Variants in ST14 observed in about 807,000 individuals in gnomAD.
ST14 encodes the protein ST14 transmembrane serine protease matriptase.
In ST14, 40 loss-of-function variants were observed where a neutral mutation model predicts 96.5. The observed-to-expected ratio is 0.41, with a 90% CI of 0.32 to 0.54. The LOEUF is 0.54. Ranked by LOEUF, ST14 falls within the 20% of genes least tolerant of loss-of-function variation. The pLI, the probability that ST14 is intolerant of heterozygous loss-of-function variation, is 0.17. For synonymous variants in ST14, 506 were observed against 492.1 expected, an observed-to-expected ratio of 1.03 and a Z score of -0.37; for missense variants, 1,066 against 1,188.9, an observed-to-expected ratio of 0.90 and a Z score of 1.52.
chr11:130,174,254 G>A (rs182475887), intron 1 of ST14, among the ~76,000 whole-genome samples: 2 of 152,284 alleles, frequency 1.3e-5, no homozygotes, highest in South Asian at 2.1e-4. Flanking sequence ...GGGAGGCGGT[G>A]GCCACAGCAA....
intron 9 of ST14, 97 bp downstream of exon 9, chr11:130,194,834 G>A (rs1473251680): frequency 1.6e-6 from 2 of 1,270,048 alleles, no homozygotes; most frequent in Non-Finnish European, 1.1e-6. Context: ...GTGTGTGCAT[G>A]TGTTTGCATA....
At chr11:130,202,565 C>T (rs145261068) in intron 16 of ST14, among the ~76,000 whole-genome samples, 1 of 152,318 alleles carries the variant, frequency 6.6e-6, no homozygotes, top group African/African-American at 2.4e-5. Flanking sequence ...TCAGCTGGAC[C>T]AGGTGGCTCA....
chr11:130,201,290 A>G (rs57962764), intron 16 of ST14, among the ~76,000 whole-genome samples: 5,913 of 152,344 alleles, frequency 0.039, 337 homozygotes, highest in African/African-American at 0.12. Flanking sequence ...AGAGGCAGGC[A>G]CAGGGGCATG....
intron 1 of ST14, among the ~76,000 whole-genome samples, chr11:130,173,900 C>T (rs1216338633): frequency 5.9e-5 from 9 of 152,236 alleles, no homozygotes; most frequent in African/African-American, 2.2e-4. Flanking sequence ...CCCACAAGAC[C>T]AGAGAGTGCT....
At chr11:130,169,862 G>A (rs1043467047) in intron 1 of ST14, among the ~76,000 whole-genome samples, 2 of 152,196 alleles carry the variant, frequency 1.3e-5, no homozygotes, top group African/African-American at 2.4e-5. Context: ...ACTAGGTGCT[G>A]GCTGCACCTC....
chr11:130,194,753 C>A lies in ST14; in HGVS notation c.1113+16C>A. On this transcript the variant is annotated intron_variant, in intron 9 of 18. Coordinates refer to ENST00000278742, the MANE Select transcript of ST14 (RefSeq NM_021978.4). ...GAACATTGAGGTAGGAGCTATGGGGCGTGTGAACGTGTGTGTGTGTGAGCA... is the reference window on the plus strand; with the variant it reads ...GAACATTGAGGTAGGAGCTATGGGGAGTGTGAACGTGTGTGTGTGTGAGCA... 1 of 1,611,906 alleles carries A rather than the reference C, an allele frequency of 6.2e-7. No individual in the cohort carries two copies. The highest frequency in any genetic ancestry group is 8.5e-7 in the Non-Finnish European group (1 of 1,178,420).
intron 1 of ST14, among the ~76,000 whole-genome samples, chr11:130,183,708 G>A (rs1953214251): frequency 6.6e-6 from 1 of 152,150 alleles, no homozygotes; most frequent in Admixed American, 6.5e-5. Flanking sequence ...TACAGGTTTT[G>A]TGCATTTTTT....
At position 130,194,652 on chromosome 11, in the gene ST14, G is replaced by A. The variant is rs775624092; in HGVS notation, c.1028G>A (p.Arg343His). 1.4e-5 allele frequency: 22 copies of A among 1,613,996 alleles called. No homozygotes were observed. The highest frequency in any genetic ancestry group is 1.1e-4 in the South Asian group (10 of 91,088). ...CCTTCCCTCTCAGGCTGTGGAGGCCGCTTACGTAAAGCCCAGGGGACATTC... is the reference window on the plus strand; with the variant it reads ...CCTTCCCTCTCAGGCTGTGGAGGCCACTTACGTAAAGCCCAGGGGACATTC... Reference protein sequence around the residue: ...QLPRMSSCGGRLRKAQGTFNS... With the variant: ...QLPRMSSCGGHLRKAQGTFNS... The change falls in exon 9 of 19, where the codon CGC becomes CAC. Residue 343 changes from arginine to histidine, a missense_variant. Transcript: ENST00000278742.
In ST14 at chr11:130,177,669, G is replaced by A. The variant is rs183005727; in HGVS notation, c.82-10445G>A. Among the ~76,000 whole-genome samples the A allele has an allele frequency of 5.6e-4, 86 of 152,342 alleles. 1 individual carries two copies. The East Asian group carries it at 0.016, about 28-fold the overall frequency. ...CTAGCTTCCTAGCCTGGCATCAGCCGAGACCTTGTCAGCTCTTGGAGCTAC... is the reference window on the plus strand; with the variant it reads ...CTAGCTTCCTAGCCTGGCATCAGCCAAGACCTTGTCAGCTCTTGGAGCTAC... On this transcript the variant is annotated intron_variant, in intron 1 of 18. Transcript: ENST00000278742.
At position 130,183,824 on chromosome 11, in the gene ST14, C is replaced by T. The variant is rs79775947; in HGVS notation, c.82-4290C>T. On this transcript the variant is annotated intron_variant, in intron 1 of 18. Coordinates refer to ENST00000278742, the MANE Select transcript of ST14 (RefSeq NM_021978.4). ...TGCTGATATGCCAGTACAAAGACAGCTACGGGAGTGTTTCTAGCAGCTCTG... is the reference window on the plus strand; with the variant it reads ...TGCTGATATGCCAGTACAAAGACAGTTACGGGAGTGTTTCTAGCAGCTCTG... Among the ~76,000 whole-genome samples the T allele has an allele frequency of 5.5e-3, 844 of 152,264 alleles. 3 individuals are homozygous for T. Among genetic ancestry groups the T allele is most frequent in the Middle Eastern group, 0.041 (12 of 294 alleles).
At chr11:130,175,519 A>G (rs1953128616) in intron 1 of ST14, among the ~76,000 whole-genome samples, 1 of 151,812 alleles carries the variant, frequency 6.6e-6, no homozygotes, top group Admixed American at 6.6e-5. Context: ...AGCTGGGATT[A>G]CAGGCATGTG....
rs561649449 is a variant in ST14 at position 130,199,623 on chromosome 11, A to G, written c.1808-328A>G. ...CCCCTCCCCTGTGATGTCCCAAATG[A>G]TGTCAAGTCAGGCAGATGACACCCA... On this transcript the variant is annotated intron_variant, in intron 15 of 18. Coordinates refer to ENST00000278742, the MANE Select transcript of ST14 (RefSeq NM_021978.4). Among the ~76,000 whole-genome samples, 556 of 152,242 alleles carry G rather than the reference A, an allele frequency of 3.7e-3. 5 individuals carry two copies. Among genetic ancestry groups the G allele is most frequent in the African/African-American group, 0.013 (535 of 41,532 alleles).
chr11:130,196,858 C>A (rs1953371377), intron 11 of ST14, 158 bp downstream of exon 11: 2 of 1,052,672 alleles, frequency 1.9e-6, no homozygotes, highest in Non-Finnish European at 2.8e-6. Context: ...AACACGCTAC[C>A]TTTGATGCAT....
At chr11:130,205,709 T>C (rs1007963989) in intron 16 of ST14, among the ~76,000 whole-genome samples, 1 of 94,496 alleles carries the variant, frequency 1.1e-5, no homozygotes, top group African/African-American at 3.3e-5. Flanking sequence ...GTTTTTTTTT[T>C]TGTTTTTTTT....
chr11:130,208,587 C>T lies in ST14; in HGVS notation c.2172C>T (p.Ser724=). ...AGCTGGAGAAACCGGCAGAGTACAG[C>T]TCCATGGTGCGGCCCATCTGCCTGC... ...LLELEKPAEY[S]SMVRPICLPD... The change falls in exon 17 of 19, where the codon AGC becomes AGT. Residue 724 remains serine (S), a synonymous_variant. Transcript: ENST00000278742. 1 of 1,614,190 alleles carries T rather than the reference C, an allele frequency of 6.2e-7. No individual in the cohort carries two copies. Among genetic ancestry groups the T allele is most frequent in the African/African-American group, 1.3e-5 (1 of 75,076 alleles).
chr11:130,209,957 A>G lies in ST14; in HGVS notation c.*134A>G. The G allele has an allele frequency of 8.9e-7, 1 of 1,124,044 alleles. No individual in the cohort carries two copies. Among genetic ancestry groups the G allele is most frequent in the Non-Finnish European group, 1.3e-6 (1 of 798,174 alleles). 69.6% of individuals were successfully genotyped at this position (1,124,044 alleles called of 1,614,324 possible). ...AACATACACTGTGAACTCAATCTCC[A>G]GGGCTCCAAATCTGCCTAGAAAACC... On this transcript the variant is annotated 3_prime_UTR_variant, in exon 19 of 19. Coordinates refer to ENST00000278742, the MANE Select transcript of ST14 (RefSeq NM_021978.4).
intron 1 of ST14, among the ~76,000 whole-genome samples, chr11:130,180,216 G>A (rs774636590): frequency 3.3e-5 from 5 of 152,142 alleles, no homozygotes; most frequent in Non-Finnish European, 4.4e-5. Flanking sequence ...TGGTGGCATC[G>A]CCCCTGCCCC....
At chr11:130,202,915 G>A (rs1953445042) in intron 16 of ST14, among the ~76,000 whole-genome samples, 2 of 152,328 alleles carry the variant, frequency 1.3e-5, no homozygotes, top group Middle Eastern at 3.4e-3. Context: ...TTCTACCTGA[G>A]CACTAGCGAT....
chr11:130,209,028 G>T (rs958328883), intron 17 of ST14, among the ~76,000 whole-genome samples: 1 of 152,200 alleles, frequency 6.6e-6, no homozygotes, highest in African/African-American at 2.4e-5. Flanking sequence ...AGGGAAGCAG[G>T]CCGTTAGTTG....
Sources: gnomAD v4.1 joint callset for allele counts (sites outside exome capture counted in the v4.1 genomes callset) on GRCh38, gnomAD v4.1.1 for gene constraint, MANE v1.5 for transcripts, NCBI Gene and HGNC (gene_info 2026-07-23, HGNC 2026-07-21) for gene names.